Variants in ZNF423 observed in about 807,000 individuals in gnomAD.
ZNF423 encodes the protein zinc finger protein 423.
In ZNF423, 12 loss-of-function variants were observed where a neutral mutation model predicts 95.8. The observed-to-expected ratio is 0.13, with a 90% CI of 0.08 to 0.20. The LOEUF (loss-of-function observed/expected upper bound fraction) is 0.20. Among genes scored for constraint, ZNF423 ranks in the 10% least tolerant of loss-of-function variants. The probability of loss-of-function intolerance (pLI) is 1.00; values close to 1 mark genes in which losing one functional copy is unlikely to be tolerated. For synonymous variants in ZNF423, 749 were observed against 711.9 expected (o/e 1.05, Z -0.83); for missense variants, 1,316 against 1,737.1 (o/e 0.76, Z 4.31).
At chr16:49,842,323 G>C (rs2035195073) in intron 1 of ZNF423, among the ~76,000 whole-genome samples, 1 of 89,390 alleles carries the variant, frequency 1.1e-5, no homozygotes, top group African/African-American at 4.2e-5. Context: ...GAAGGGAAGG[G>C]AAGGGAAGGG....
At chr16:49,755,109 G>A (rs1471636439) in intron 2 of ZNF423, among the ~76,000 whole-genome samples, 1 of 152,198 alleles carries the variant, frequency 6.6e-6, no homozygotes, top group East Asian at 1.9e-4. Flanking sequence ...GAGGTGGCTG[G>A]GAGCGGTCAA....
chr16:49,599,059 G>A (rs1421810890), intron 5 of ZNF423, among the ~76,000 whole-genome samples: 4 of 152,326 alleles, frequency 2.6e-5, no homozygotes, highest in Middle Eastern at 3.4e-3. Flanking sequence ...CCCGGGCTCA[G>A]CAGAAATCCC....
intron 3 of ZNF423, among the ~76,000 whole-genome samples, chr16:49,661,535 G>A (rs1010708669): frequency 2.0e-5 from 3 of 152,126 alleles, no homozygotes; most frequent in Non-Finnish European, 2.9e-5. Flanking sequence ...AGCACAAGTC[G>A]GTGTCACCTC....
At position 49,636,134 on chromosome 16, in the gene ZNF423, G is replaced by A. The variant is rs760670593; in HGVS notation, c.3042C>T (p.His1014=). ...TGCGCAGGTCAGGGTGCATCTGGCA[G>A]TGCTCAATAAACTCCTCCTCGCTCT... is the stretch of plus-strand genomic sequence containing the variant. ...PLQSEEEFIE[H]CQMHPDLRNS... The change falls in exon 4 of 8, where the codon CAC becomes CAT. Residue 1014 remains histidine (H), a synonymous_variant. Transcript: ENST00000563137. The surrounding 1 kb of genome is among the most constrained non-coding windows in gnomAD (Gnocchi z 8.6). The A allele has an allele frequency of 1.2e-6, 2 of 1,613,806 alleles. No individual in the cohort carries two copies.
At chr16:49,755,484 A>G (rs2033709535) in intron 2 of ZNF423, among the ~76,000 whole-genome samples, 1 of 152,148 alleles carries the variant, frequency 6.6e-6, no homozygotes, top group Non-Finnish European at 1.5e-5. Flanking sequence ...CATAATTCTT[A>G]CCAGACATGG....
At chr16:49,512,345 G>A (rs2151683299) in intron 7 of ZNF423, among the ~76,000 whole-genome samples, 1 of 152,342 alleles carries the variant, frequency 6.6e-6, no homozygotes, top group African/African-American at 2.4e-5. Context: ...CTTTGACTCT[G>A]ACCCAGACCC....
At chr16:49,621,104 C>G (rs2151857824) in intron 5 of ZNF423, among the ~76,000 whole-genome samples, 1 of 152,260 alleles carries the variant, frequency 6.6e-6, no homozygotes, top group South Asian at 2.1e-4. Context: ...GGGAGTCATC[C>G]TCCCAGAGTC....
chr16:49,857,395 G>C (rs1331864306), upstream of ZNF423, among the ~76,000 whole-genome samples: 1 of 151,632 alleles, frequency 6.6e-6, no homozygotes, highest in East Asian at 1.9e-4. This position sits in a 1 kb window ranked among gnomAD's most constrained non-coding sequence, Gnocchi z 6.2. Flanking sequence ...GCTGCACCGG[G>C]GGCAGGAGGA....
At chr16:49,500,276 A>C (rs1967342085) in intron 7 of ZNF423, among the ~76,000 whole-genome samples, 1 of 152,142 alleles carries the variant, frequency 6.6e-6, no homozygotes, top group Admixed American at 6.5e-5. Flanking sequence ...CTAGCAGCAG[A>C]TTCAGGACTG....
intron 3 of ZNF423, among the ~76,000 whole-genome samples, chr16:49,645,161 C>T (rs1048565554): frequency 1.3e-5 from 2 of 152,158 alleles, no homozygotes; most frequent in East Asian, 1.9e-4. Flanking sequence ...GACCAGTTCC[C>T]GACAGGACAA....
At chr16:49,614,753 A>G (rs1046393570) in intron 5 of ZNF423, among the ~76,000 whole-genome samples, 6 of 152,246 alleles carry the variant, frequency 3.9e-5, no homozygotes, top group Non-Finnish European at 8.8e-5. Flanking sequence ...ATGTGAATAT[A>G]CAATTATCTC....
chr16:49,686,629 C>T (rs1408564985), intron 3 of ZNF423, among the ~76,000 whole-genome samples: 1 of 152,138 alleles, frequency 6.6e-6, no homozygotes, highest in African/African-American at 2.4e-5. Flanking sequence ...CACCCCCTCT[C>T]CCACCACACC....
intron 3 of ZNF423, among the ~76,000 whole-genome samples, chr16:49,648,247 A>G (rs903149582): frequency 6.6e-6 from 1 of 152,226 alleles, no homozygotes; most frequent in African/African-American, 2.4e-5. Flanking sequence ...CAGAACTTTC[A>G]TGGATAAACT....
At chr16:49,661,879 A>G (rs774954774) in intron 3 of ZNF423, among the ~76,000 whole-genome samples, 26 of 152,274 alleles carry the variant, frequency 1.7e-4, no homozygotes, top group South Asian at 6.2e-4. Flanking sequence ...GACCTCTCTA[A>G]TCTTCACCAA....
intron 5 of ZNF423, among the ~76,000 whole-genome samples, chr16:49,598,682 T>C (rs537884953): frequency 8.5e-4 from 130 of 152,336 alleles, no homozygotes; most frequent in African/African-American, 3.1e-3. Flanking sequence ...CCTGCAATCC[T>C]GGCTGTGCAG....
intron 1 of ZNF423, chr16:49,854,830 G>A (rs900099865): frequency 2.0e-6 from 2 of 985,298 alleles, no homozygotes; most frequent in African/African-American, 1.7e-5. Flanking sequence ...GAAGGGATGG[G>A]TGTGTGTATC....
At chr16:49,546,208 A>T (rs749658641) in intron 5 of ZNF423, among the ~76,000 whole-genome samples, 3 of 152,094 alleles carry the variant, frequency 2.0e-5, no homozygotes, top group Non-Finnish European at 4.4e-5. Context: ...TGCACAATAA[A>T]TGTCTTCTGA....
chr16:49,663,171 A>G (rs1191537166), intron 3 of ZNF423, among the ~76,000 whole-genome samples: 2 of 152,068 alleles, frequency 1.3e-5, no homozygotes, highest in African/African-American at 4.8e-5. Flanking sequence ...CAGCAACACC[A>G]CGCAGGATTG....
At chr16:49,681,980 C>T (rs1235265538) in intron 3 of ZNF423, among the ~76,000 whole-genome samples, 1 of 151,840 alleles carries the variant, frequency 6.6e-6, no homozygotes, top group Non-Finnish European at 1.5e-5. Flanking sequence ...AAGCTCCCAC[C>T]CCTCACAGCC....
Sources: gnomAD v4.1 joint callset for allele counts (sites outside exome capture counted in the v4.1 genomes callset) on GRCh38, gnomAD v4.1.1 for gene constraint, Gnocchi (gnomAD v3.1) non-coding constraint, MANE v1.5 for transcripts, NCBI Gene and HGNC (gene_info 2026-07-23, HGNC 2026-07-21) for gene names.